Variants in LRFN5 observed in about 807,000 individuals in gnomAD.
The protein encoded by LRFN5 is leucine rich repeat and fibronectin type III domain containing 5.
A neutral mutation model predicts 45.6 loss-of-function variants in LRFN5; 24 were observed. The observed-to-expected ratio is 0.53, with a 90% CI of 0.38 to 0.74. The LOEUF (loss-of-function observed/expected upper bound fraction) is 0.74. Among genes scored for constraint, LRFN5 ranks in the 30% least tolerant of loss-of-function variants. The pLI is 0.00. For missense variants in LRFN5, 776 were observed against 861.5 expected, an observed-to-expected ratio of 0.90 and a Z score of 1.24; for synonymous variants, 340 against 313.8, an observed-to-expected ratio of 1.08 and a Z score of -0.88.
Position 41,743,117 on chromosome 14 carries a change from G to A in LRFN5, c.-196-23737G>A, listed in dbSNP as rs182236536. ...ATGATCCATTCTTTCTGCCCAAGTT[G>A]CTGTGTATGTGTTCATTATTGTTCA... On this transcript the variant is annotated intron_variant, in intron 1 of 5. Transcript: ENST00000298119. 2.0e-5 allele frequency among the ~76,000 whole-genome samples: 3 copies of A among 152,214 alleles called. No homozygotes were observed. In the East Asian group the frequency reaches 5.8e-4, roughly 30 times the overall value.
intron 4 of LRFN5, among the ~76,000 whole-genome samples, chr14:41,896,987 G>T (rs1347708629): frequency 1.3e-5 from 2 of 151,826 alleles, no homozygotes; most frequent in African/African-American, 4.8e-5. Flanking sequence ...AGCTACTCGG[G>T]AGGCTGAGGC....
At chr14:41,892,926 T>C (rs1267241570) in intron 4 of LRFN5, 56 of 985,176 alleles carry the variant, frequency 5.7e-5, no homozygotes, top group Non-Finnish European at 6.5e-5. Context: ...TAATACAAGA[T>C]AAAGAGGGAG....
At chr14:41,714,157 A>G (rs756505302) in intron 1 of LRFN5, among the ~76,000 whole-genome samples, 13 of 152,168 alleles carry the variant, frequency 8.5e-5, no homozygotes, top group Admixed American at 1.3e-4. Context: ...AAAACATAAG[A>G]TTTTTAAAAG....
chr14:41,808,549 TGAAGGAAGGAAG>T (rs1167821700), intron 2 of LRFN5, among the ~76,000 whole-genome samples: 136 of 54,254 alleles, frequency 2.5e-3, no homozygotes, highest in African/African-American at 5.2e-3. Context: ...AAGGGAGGGA[TGAAGGAAGGAAG>T]GAAGGAAGGA....
At chr14:41,857,022 A>T (rs2139089063) in intron 2 of LRFN5, among the ~76,000 whole-genome samples, 1 of 152,230 alleles carries the variant, frequency 6.6e-6, no homozygotes, top group African/African-American at 2.4e-5. Flanking sequence ...TCCTTATCTA[A>T]GAACCTTTTA....
At chr14:41,881,386 G>C (rs956822929) in intron 2 of LRFN5, among the ~76,000 whole-genome samples, 1 of 151,340 alleles carries the variant, frequency 6.6e-6, no homozygotes, top group Non-Finnish European at 1.5e-5. Context: ...CCTTAATTAT[G>C]ATGAGAATTC....
chr14:41,632,836 G>T (rs1888596114), intron 1 of LRFN5, among the ~76,000 whole-genome samples: 1 of 152,026 alleles, frequency 6.6e-6, no homozygotes, highest in Non-Finnish European at 1.5e-5. Context: ...GAAAATGTAT[G>T]ATTTTTCTTC....
chr14:41,683,664 G>GA (rs527954325), intron 1 of LRFN5, among the ~76,000 whole-genome samples: 191 of 149,890 alleles, frequency 1.3e-3, no homozygotes, highest in African/African-American at 2.4e-3. Flanking sequence ...CAAACAATCT[G>GA]AAAAAAAAAT....
At position 41,607,081 on chromosome 14, in the gene LRFN5, C is replaced by T. The variant is rs116080372; in HGVS notation, c.-1678C>T. On this transcript the variant is annotated 5_prime_UTR_variant, in exon 1 of 6. Transcript: ENST00000298119. Reference sequence around the variant, plus strand: ...GGCCAGCGGGCGGGGCGCTGTGTTCCGCGGCGCGCAGGGAGGCGGTGAGCG... The same window carrying T: ...GGCCAGCGGGCGGGGCGCTGTGTTCTGCGGCGCGCAGGGAGGCGGTGAGCG... 6.6e-6 allele frequency among the ~76,000 whole-genome samples: 1 copy of T among 152,150 alleles called. No homozygotes were observed. The highest frequency in any genetic ancestry group is 1.5e-5 in the Non-Finnish European group (1 of 68,008).
intron 2 of LRFN5, among the ~76,000 whole-genome samples, chr14:41,876,869 C>A (rs536186142): frequency 6.6e-6 from 1 of 152,230 alleles, no homozygotes; most frequent in East Asian, 1.9e-4. Context: ...TTGTTGAAAT[C>A]ACTTTTTGGT....
chr14:41,656,979 C>T (rs912113215), intron 1 of LRFN5, among the ~76,000 whole-genome samples: 43 of 151,696 alleles, frequency 2.8e-4, no homozygotes, highest in South Asian at 2.1e-4. Flanking sequence ...AAGTAAAAAC[C>T]CTTATCCTCA....
At chr14:41,703,552 G>GT (rs1427078166) in intron 1 of LRFN5, among the ~76,000 whole-genome samples, 2 of 151,560 alleles carry the variant, frequency 1.3e-5, no homozygotes, top group South Asian at 2.1e-4. Flanking sequence ...TTTTTTGTTT[G>GT]TTTTTTGTTT....
intron 4 of LRFN5, among the ~76,000 whole-genome samples, chr14:41,896,563 A>G (rs1438176074): frequency 6.6e-6 from 1 of 152,180 alleles, no homozygotes; most frequent in Non-Finnish European, 1.5e-5. Flanking sequence ...GTAAATTTAT[A>G]TACAAGAAAT....
intron 1 of LRFN5, among the ~76,000 whole-genome samples, chr14:41,637,397 C>CT (rs200470604): frequency 3.0e-4 from 46 of 151,470 alleles, no homozygotes; most frequent in African/African-American, 1.0e-3. Flanking sequence ...GGAAGGAAAA[C>CT]TTTTTTTTTC....
At chr14:41,806,652 A>G (rs1159929949) in intron 2 of LRFN5, among the ~76,000 whole-genome samples, 3 of 152,176 alleles carry the variant, frequency 2.0e-5, no homozygotes, top group Non-Finnish European at 2.9e-5. Flanking sequence ...GGAACACGGT[A>G]TGATTGAAGT....
intron 1 of LRFN5, among the ~76,000 whole-genome samples, chr14:41,687,968 A>G (rs1231093335): frequency 6.6e-6 from 1 of 152,194 alleles, no homozygotes; most frequent in Non-Finnish European, 1.5e-5. Flanking sequence ...AAAAAAGAAA[A>G]GCTTGTACTA....
At chr14:41,702,364 C>G (rs570159205) in intron 1 of LRFN5, among the ~76,000 whole-genome samples, 32 of 152,298 alleles carry the variant, frequency 2.1e-4, no homozygotes, top group Non-Finnish European at 2.2e-4. Context: ...TAGGAAGCCA[C>G]TGGCACCATA....
intron 1 of LRFN5, among the ~76,000 whole-genome samples, chr14:41,612,372 CT>C (rs1342885769): frequency 6.6e-6 from 1 of 152,032 alleles, no homozygotes; most frequent in African/African-American, 2.4e-5. Flanking sequence ...ACTGGCTAAC[CT>C]ATTAGCTTAT....
intron 1 of LRFN5, among the ~76,000 whole-genome samples, chr14:41,745,366 G>A (rs141928369): frequency 1.3e-5 from 2 of 151,952 alleles, no homozygotes; most frequent in African/African-American, 4.8e-5. Context: ...CAAAACTTAC[G>A]GTACTCAGTG....
Sources: allele counts gnomAD v4.1 joint callset (sites outside exome capture counted in the v4.1 genomes callset), GRCh38; gene constraint gnomAD v4.1.1; transcripts MANE v1.5; gene names NCBI Gene and HGNC (gene_info 2026-07-23, HGNC 2026-07-21).